Variants in P3H1 observed in about 807,000 individuals in gnomAD.
P3H1 encodes the protein growth suppressor 1.
A neutral mutation model predicts 84.0 loss-of-function variants in P3H1; 69 were observed. That is an observed-to-expected ratio of 0.82 (90% CI 0.68 to 1.00). The LOEUF (loss-of-function observed/expected upper bound fraction) is 1.00. P3H1 is among the 50% of genes least tolerant of loss of function. P3H1 has a pLI of 0.00. For synonymous variants in P3H1, 366 were observed against 388.8 expected, an observed-to-expected ratio of 0.94 and a Z score of 0.69; for missense variants, 878 against 962.8, an observed-to-expected ratio of 0.91 and a Z score of 1.17.
At position 42,747,281 on chromosome 1, in the gene P3H1, G is replaced by T; in HGVS notation, c.2046C>A (p.His682Gln). ...CTCGAGCTGCTCTCACCCGCTCGCTGTGTCGAGGGTCCAGGGTGAACCACA... is the reference window on the plus strand; with the variant it reads ...CTCGAGCTGCTCTCACCCGCTCGCTTTGTCGAGGGTCCAGGGTGAACCACA... ...IALWFTLDPR[H>Q]SERDRVQADD... is the part of the protein sequence containing the mutation. Residue 682 changes from histidine (H) to glutamine (Q), a missense_variant, in exon 14 of 15, where the codon CAC (histidine) becomes CAA (glutamine). Physicochemically the swap from His to Gln is conservative, Grantham distance 24. Transcript: ENST00000296388. 6.2e-7 allele frequency: 1 copy of T among 1,613,944 alleles called. No individual in the cohort carries two copies. The highest frequency in any genetic ancestry group is 8.5e-7 in the Non-Finnish European group (1 of 1,179,974).
intron 2 of P3H1, chr1:42,762,108 T>G (rs780523471): frequency 7.2e-5 from 39 of 539,640 alleles, no homozygotes; most frequent in Non-Finnish European, 1.2e-4. Context: ...AAAACAACCT[T>G]AGTAATGTCA....
Position 42,766,791 on chromosome 1 carries a change from C to T in P3H1, c.181G>A (p.Ala61Thr). The change falls in exon 1 of 15, where the codon GCG becomes ACG. Residue 61 changes from alanine to threonine, a missense_variant. Ala to Thr is a moderately conservative substitution (Grantham distance 58). Coordinates refer to ENST00000296388, the MANE Select transcript of P3H1 (RefSeq NM_022356.4). ...CGGAGGGCTGCCCGGGAGCGCAGCGCCCGTTCCATGCTCAGGACCACCCCG... is the reference window on the plus strand; with the variant it reads ...CGGAGGGCTGCCCGGGAGCGCAGCGTCCGTTCCATGCTCAGGACCACCCCG... ...WPGVVLSMERALRSRAALRAL... is the reference protein window; with the variant it reads ...WPGVVLSMERTLRSRAALRAL... 1 of 1,601,778 alleles carries T rather than the reference C, an allele frequency of 6.2e-7. No individual in the cohort carries two copies. The highest frequency in any genetic ancestry group is 8.5e-7 in the Non-Finnish European group (1 of 1,178,512).
intron 11 of P3H1, among the ~76,000 whole-genome samples, chr1:42,749,665 C>G (rs1651922205): frequency 6.6e-6 from 1 of 152,238 alleles, no homozygotes; most frequent in Non-Finnish European, 1.5e-5. Flanking sequence ...AATGCCTCCA[C>G]TCCTGTGCAA....
At position 42,750,197 on chromosome 1, in the gene P3H1, G is replaced by A. The variant is rs746075622; in HGVS notation, c.1709C>T (p.Thr570Ile). Residue 570 changes from threonine to isoleucine, a missense_variant, in exon 11 of 15, where the codon ACT becomes ATT. Transcript: ENST00000296388. ...GTAATGAGGCCCACCTTCGATGGCAGTGCGGCACACCAGATGAGAGTAGGA... is the reference window on the plus strand; with the variant it reads ...GTAATGAGGCCCACCTTCGATGGCAATGCGGCACACCAGATGAGAGTAGGA... ...YFSYSHLVCR[T>I]AIEEVQAERK... 6.2e-7 allele frequency: 1 copy of A among 1,612,490 alleles called. No individual in the cohort carries two copies. The highest frequency in any genetic ancestry group is 8.5e-7 in the Non-Finnish European group (1 of 1,179,370).
chr1:42,748,133 T>C, intron 12 of P3H1, 67 bp downstream of exon 12: 2 of 1,161,580 alleles, frequency 1.7e-6, no homozygotes, highest in Non-Finnish European at 2.6e-6. Context: ...GGTAGTAGAG[T>C]GCAGGGCACT....
At chr1:42,755,279 A>C (rs1479793488) in intron 6 of P3H1, 62 bp from the exon 7 acceptor site, 2 of 1,482,774 alleles carry the variant, frequency 1.3e-6, no homozygotes, top group Non-Finnish European at 1.9e-6. Flanking sequence ...CAGGTGTCTC[A>C]ATGCATAAAA....
chr1:42,755,529 C>T lies in P3H1; in HGVS notation c.1170+19G>A, dbSNP rs763614802. The T allele has an allele frequency of 6.3e-6, 10 of 1,596,182 alleles. No homozygotes were observed. The highest frequency in any genetic ancestry group is 7.7e-6 in the Non-Finnish European group (9 of 1,164,158). On this transcript the variant is annotated intron_variant, in intron 6 of 14. Transcript: ENST00000296388. ...TCACTCTTTCCCCGCTCCCTTCCGG[C>T]TCCTGTACCCTAGCTCACCGGATCC...
At chr1:42,755,772 C>G in intron 5 of P3H1, 135 bp from the exon 6 acceptor site, 1 of 708,476 alleles carries the variant, frequency 1.4e-6, no homozygotes, top group Non-Finnish European at 2.5e-6. Flanking sequence ...TGCTCTCTGT[C>G]TGTTCCCCAG....
chr1:42,750,077 C>A, intron 11 of P3H1, 109 bp downstream of exon 11: 1 of 1,336,044 alleles, frequency 7.5e-7, no homozygotes, highest in Non-Finnish European at 1.0e-6. Context: ...CATTGGTTCC[C>A]CAACTGAAGA....
chr1:42,766,401 T>C (rs1417825792), intron 1 of P3H1, 106 bp downstream of exon 1: 6 of 1,054,980 alleles, frequency 5.7e-6, no homozygotes, highest in Non-Finnish European at 7.1e-6. Flanking sequence ...GAGGCCACTT[T>C]CCCCTCCCTG....
At position 42,766,997 on chromosome 1, in the gene P3H1, C is replaced by A; in HGVS notation, c.-26G>T. On this transcript the variant is annotated 5_prime_UTR_variant, in exon 1 of 15. Transcript: ENST00000296388. ...CGCTCCCTCAGACCTAACGGAACCGCCAGCCACCCGCCACCAAGGCCGGAG... is the reference window on the plus strand; with the variant it reads ...CGCTCCCTCAGACCTAACGGAACCGACAGCCACCCGCCACCAAGGCCGGAG... The A allele has an allele frequency of 6.2e-7, 1 of 1,601,074 alleles. No individual in the cohort carries two copies. Among genetic ancestry groups the A allele is most frequent in the Non-Finnish European group, 8.5e-7 (1 of 1,178,266 alleles).
chr1:42,748,949 C>A (rs1297386769), intron 11 of P3H1, among the ~76,000 whole-genome samples: 1 of 152,220 alleles, frequency 6.6e-6, no homozygotes, highest in Non-Finnish European at 1.5e-5. Context: ...TCCCACTTGT[C>A]CAGCCAGTCA....
In P3H1 at chr1:42,757,795, G is replaced by A. The variant is rs373669933; in HGVS notation, c.1068C>T (p.Ile356=). The part of the protein sequence containing the change: ...AMLGEEHTRS[I]GPRESAKEYR... ...GGAAGTCTCTCACCTCACGGGGGCCGATGGATCTGGTGTGTTCTTCTCCAA... is the reference window on the plus strand; with the variant it reads ...GGAAGTCTCTCACCTCACGGGGGCCAATGGATCTGGTGTGTTCTTCTCCAA... The change falls in exon 5 of 15, where the codon ATC becomes ATT. Residue 356 remains isoleucine, a synonymous_variant. Coordinates refer to ENST00000296388, the MANE Select transcript of P3H1 (RefSeq NM_022356.4). 2.2e-5 allele frequency: 35 copies of A among 1,614,100 alleles called. No individual in the cohort carries two copies. In the African/African-American group the frequency reaches 3.3e-4, roughly 15 times the overall value.
Position 42,748,267 on chromosome 1 carries a change from A to G in P3H1, c.1771T>C (p.Cys591Arg). The change falls in exon 12 of 15, where the codon TGC becomes CGC. Residue 591 changes from cysteine (C) to arginine (R), a missense_variant. By Grantham distance (180) the Cys-to-Arg change is radical (BLOSUM62 -3). Transcript: ENST00000296388. The stretch of plus-strand genomic sequence containing the variant: ...ACGAGGGTCTCGGCATTCAGGATGC[A>G]GTTGTCCACGTGGACTGGATGACTA... The part of the protein sequence containing the change: ...DDSHPVHVDN[C>R]ILNAETLVCV... 1 of 1,614,056 alleles carries G rather than the reference A, an allele frequency of 6.2e-7. No individual in the cohort carries two copies. Among genetic ancestry groups the G allele is most frequent in the Non-Finnish European group, 8.5e-7 (1 of 1,180,000 alleles).
At chr1:42,749,090 T>C (rs1264483936) in intron 11 of P3H1, among the ~76,000 whole-genome samples, 2 of 152,200 alleles carry the variant, frequency 1.3e-5, no homozygotes, top group Non-Finnish European at 2.9e-5. Flanking sequence ...CCTTTTTGGT[T>C]TGAAATCTCT....
chr1:42,747,231 C>G (rs751605347), intron 14 of P3H1, 41 bp downstream of exon 14: 141 of 1,614,030 alleles, frequency 8.7e-5, no homozygotes, highest in Non-Finnish European at 1.1e-4. Flanking sequence ...GAACGGGTCA[C>G]CACAGCACCA....
Position 42,766,560 on chromosome 1 carries a change from G to C in P3H1, c.412C>G (p.Leu138Val), listed in dbSNP as rs1230941391. Residue 138 changes from leucine (L) to valine (V), a missense_variant, in exon 1 of 15, where the codon CTG (leucine) becomes GTG (valine). Transcript: ENST00000296388. Reference sequence around the variant, plus strand: ...TAGGGGCTCCGCTTGCGGAACTCCAGCTCCATCTCTTCGCTGAGCGAGTGG... The same window carrying C: ...TAGGGGCTCCGCTTGCGGAACTCCACCTCCATCTCTTCGCTGAGCGAGTGG... ...AAHSLSEEME[L>V]EFRKRSPYNY... 6.2e-7 allele frequency: 1 copy of C among 1,612,150 alleles called. No homozygotes were observed. The highest frequency in any genetic ancestry group is 1.3e-5 in the African/African-American group (1 of 74,924).
At chr1:42,749,752 TC>T in intron 11 of P3H1, 1 of 138,146 alleles carries the variant, frequency 7.2e-6, no homozygotes, top group East Asian at 1.7e-4. Flanking sequence ...TGGGAAGCCT[TC>T]TTTTTGTTGT....
At chr1:42,747,905 G>A in intron 12 of P3H1, 107 bp from the exon 13 acceptor site, 1 of 1,083,872 alleles carries the variant, frequency 9.2e-7, no homozygotes, top group Non-Finnish European at 1.4e-6. Flanking sequence ...GCTTTGTGTG[G>A]GAGGGAAACC....
Sources: gnomAD v4.1 joint callset for allele counts (sites outside exome capture counted in the v4.1 genomes callset) on GRCh38, gnomAD v4.1.1 for gene constraint, MANE v1.5 for transcripts, NCBI Gene and HGNC (gene_info 2026-07-23, HGNC 2026-07-21) for gene names.